Variants in LMOD1 observed in about 807,000 individuals in gnomAD.
LMOD1 encodes leiomodin-1.
Under a neutral mutation model 36.5 loss-of-function variants are expected in LMOD1, and 8 were observed. The ratio of observed to expected loss-of-function variants is 0.22; its 90% CI spans 0.13 to 0.40. The LOEUF (loss-of-function observed/expected upper bound fraction) is 0.40, where lower values mean the gene tolerates loss of function less well. Ranked by LOEUF, LMOD1 falls within the 10% of genes least tolerant of loss-of-function variation. LMOD1 has a pLI of 1.00. For synonymous variants in LMOD1, 284 were observed against 288.7 expected (o/e 0.98, Z 0.17); for missense variants, 630 against 751.1 (o/e 0.84, Z 1.88).
intron 1 of LMOD1, among the ~76,000 whole-genome samples, chr1:201,945,126 C>T (rs1037072652): frequency 3.9e-5 from 6 of 152,214 alleles, no homozygotes; most frequent in African/African-American, 1.4e-4. Context: ...AACACTCTTT[C>T]CCATGGACAA....
Position 201,900,072 on chromosome 1 carries a change from G to A in LMOD1, c.941C>T (p.Ala314Val), listed in dbSNP as rs762270367. The change falls in exon 2 of 3, where the codon GCT (alanine) becomes GTT (valine). Residue 314 changes from alanine (A) to valine (V), a missense_variant. Around this residue, in one of 3 missense-constraint regions of LMOD1, gnomAD observed 405 missense variants for 400.6 expected, o/e 1.01. Transcript: ENST00000367288. ...EGPAKVEEEA[A>V]PSIFDEPLER... ...CAGAGGCTCATCAAATATGCTGGGA[G>A]CTGCCTCCTCCTCCACCTTGGCCGG... 1 of 1,613,872 alleles carries A rather than the reference G, an allele frequency of 6.2e-7. No individual in the cohort carries two copies. Among genetic ancestry groups the A allele is most frequent in the Non-Finnish European group, 8.5e-7 (1 of 1,179,888 alleles).
intron 1 of LMOD1, among the ~76,000 whole-genome samples, chr1:201,930,627 A>T (rs1330696333): frequency 2.0e-5 from 3 of 152,220 alleles, no homozygotes; most frequent in Non-Finnish European, 2.9e-5. Context: ...TCCAAGAGAC[A>T]ACTGAATGAT....
chr1:201,911,502 T>C (rs1681496507), intron 1 of LMOD1, among the ~76,000 whole-genome samples: 1 of 152,030 alleles, frequency 6.6e-6, no homozygotes. Context: ...CCACCTGTAC[T>C]AAAAATACAA....
chr1:201,925,460 A>G (rs574613378), intron 1 of LMOD1, among the ~76,000 whole-genome samples: 2 of 152,280 alleles, frequency 1.3e-5, no homozygotes, highest in African/African-American at 4.8e-5. Context: ...GACAGCAACT[A>G]AGTACTTACC....
At chr1:201,908,111 A>G (rs1240470913) in intron 1 of LMOD1, among the ~76,000 whole-genome samples, 1 of 152,170 alleles carries the variant, frequency 6.6e-6, no homozygotes, top group Non-Finnish European at 1.5e-5. Context: ...AGCCATTCTC[A>G]GACTGAAGTT....
At chr1:201,914,108 G>A (rs968356918) in intron 1 of LMOD1, among the ~76,000 whole-genome samples, 3 of 152,060 alleles carry the variant, frequency 2.0e-5, no homozygotes, top group Non-Finnish European at 2.9e-5. Flanking sequence ...TATCCAGCAC[G>A]TCAGTCATCA....
rs746988782 is a variant in LMOD1, at chr1:201,900,458, G to T, written c.555C>A (p.Thr185=). ...TCCCTTTCTTCTCCTCTTCCTTCTT[G>T]GTGGCCACTGCCCTCTCCTCTCCTC... ...DGRGEERAVA[T]KKEEEKKGSD... is the part of the protein sequence containing the mutation. The change falls in exon 2 of 3, where the codon ACC becomes ACA. Residue 185 remains threonine, a synonymous_variant. Transcript: ENST00000367288. 31 of 1,607,038 alleles carry T rather than the reference G, an allele frequency of 1.9e-5. No individual in the cohort carries two copies. The highest frequency in any genetic ancestry group is 2.2e-5 in the Non-Finnish European group (26 of 1,176,754).
chr1:201,944,712 C>A (rs1682172552), intron 1 of LMOD1, among the ~76,000 whole-genome samples: 2 of 120,024 alleles, frequency 1.7e-5, no homozygotes, highest in African/African-American at 6.3e-5. Flanking sequence ...TTGGCAAAGG[C>A]TTAAACATAG....
At chr1:201,927,882 A>G (rs1476734320) in intron 1 of LMOD1, among the ~76,000 whole-genome samples, 1 of 152,192 alleles carries the variant, frequency 6.6e-6, no homozygotes, top group African/African-American at 2.4e-5. Flanking sequence ...TGTGTTTGGA[A>G]TGTGTCCTCC....
At chr1:201,901,506 A>C (rs1681299053) in intron 1 of LMOD1, among the ~76,000 whole-genome samples, 1 of 93,150 alleles carries the variant, frequency 1.1e-5, no homozygotes, top group Non-Finnish European at 2.0e-5. Context: ...CTGTCTCAAA[A>C]AAAAAATATA....
At chr1:201,929,751 G>A (rs528938190) in intron 1 of LMOD1, among the ~76,000 whole-genome samples, 46 of 152,292 alleles carry the variant, frequency 3.0e-4, no homozygotes, top group Middle Eastern at 3.4e-3. Context: ...TTAAGCCAGG[G>A]ACTGTGTTCA....
chr1:201,932,062 G>T (rs1681932623), intron 1 of LMOD1, among the ~76,000 whole-genome samples: 1 of 152,148 alleles, frequency 6.6e-6, no homozygotes, highest in Non-Finnish European at 1.5e-5. Flanking sequence ...ATGTTCAGTA[G>T]CTTGGATGCA....
In LMOD1 at chr1:201,901,673, T is replaced by TATACAC. The variant is rs1553295747; in HGVS notation, c.262-923_262-922insGTGTAT. On this transcript the variant is annotated intron_variant, in intron 1 of 2. Transcript: ENST00000367288. ...ACATATATATGTGTATATATATATA[T>TATACAC]ACACATATATATATGTGTATATATA... is the stretch of plus-strand genomic sequence containing the variant. Among the ~76,000 whole-genome samples the TATACAC allele has an allele frequency of 1.0e-3, 103 of 98,822 alleles. 4 individuals are homozygous for TATACAC. Among genetic ancestry groups the TATACAC allele is most frequent in the African/African-American group, 3.9e-3 (96 of 24,708 alleles). The allele number at this position is 98,822 out of a possible 152,430, so 64.8% of individuals were successfully genotyped here.
At position 201,900,205 on chromosome 1, in the gene LMOD1, T is replaced by G. The variant is rs1429947939; in HGVS notation, c.808A>C (p.Lys270Gln). ...TGTAAGGGTTCATTCTTCTTGACTTTTTCATCGTCCTTTTTGGTGTCTGTG... is the reference window on the plus strand; with the variant it reads ...TGTAAGGGTTCATTCTTCTTGACTTGTTCATCGTCCTTTTTGGTGTCTGTG... Reference protein sequence around the residue: ...GNTDTKKDDEKVKKNEPLHEK... With the variant: ...GNTDTKKDDEQVKKNEPLHEK... The change falls in exon 2 of 3, where the codon AAA (lysine) becomes CAA (glutamine). Residue 270 changes from lysine (K) to glutamine (Q), a missense_variant. Around this residue, in one of 3 missense-constraint regions of LMOD1, gnomAD observed 405 missense variants for 400.6 expected, o/e 1.01. Coordinates refer to ENST00000367288, the MANE Select transcript of LMOD1 (RefSeq NM_012134.3). 4 of 1,613,986 alleles carry G rather than the reference T, an allele frequency of 2.5e-6. No individual in the cohort carries two copies. The highest frequency in any genetic ancestry group is 3.4e-6 in the Non-Finnish European group (4 of 1,179,882).
intron 1 of LMOD1, among the ~76,000 whole-genome samples, chr1:201,905,428 C>A (rs749380816): frequency 6.6e-6 from 1 of 152,214 alleles, no homozygotes; most frequent in Non-Finnish European, 1.5e-5. Context: ...TACCTTGGCC[C>A]TTCTGATGCT....
At chr1:201,945,022 T>C (rs1682179248) in intron 1 of LMOD1, among the ~76,000 whole-genome samples, 1 of 152,192 alleles carries the variant, frequency 6.6e-6, no homozygotes, top group African/African-American at 2.4e-5. Flanking sequence ...GAGACTGATC[T>C]TTTTCTTGCA....
chr1:201,929,151 G>A (rs1353924106), intron 1 of LMOD1, among the ~76,000 whole-genome samples: 1 of 151,724 alleles, frequency 6.6e-6, no homozygotes, highest in African/African-American at 2.4e-5. Flanking sequence ...TGCCCATGCT[G>A]GAGTGCAGTG....
chr1:201,900,302 C>G lies in LMOD1; in HGVS notation c.711G>C (p.Glu237Asp). 4 of 1,605,944 alleles carry G rather than the reference C, an allele frequency of 2.5e-6. No individual in the cohort carries two copies. The highest frequency in any genetic ancestry group is 3.4e-6 in the Non-Finnish European group (4 of 1,175,684). Residue 237 changes from glutamate to aspartate, a missense_variant, in exon 2 of 3, where the codon GAG (glutamate) becomes GAC (aspartate). Glu to Asp is a conservative substitution (Grantham distance 45). Around this residue, in one of 3 missense-constraint regions of LMOD1, gnomAD observed 405 missense variants for 400.6 expected, o/e 1.01. Transcript: ENST00000367288. The stretch of plus-strand genomic sequence containing the variant: ...TGTTCCCACCTGCTCTTTTCATCTT[C>G]TCACCCTCTTTTCTGGTGTCTGTGT... Reference protein sequence around the residue: ...RRNTDTRKEGEKMKRAGGNTD... With the variant: ...RRNTDTRKEGDKMKRAGGNTD...
intron 1 of LMOD1, among the ~76,000 whole-genome samples, chr1:201,926,844 C>T (rs1320092678): frequency 1.3e-5 from 2 of 152,060 alleles, no homozygotes; most frequent in Non-Finnish European, 2.9e-5. Flanking sequence ...TGGCAAATCC[C>T]TGTCTCTACA....
Sources: allele counts gnomAD v4.1 joint callset (sites outside exome capture counted in the v4.1 genomes callset), GRCh38; gene constraint gnomAD v4.1.1; regional missense constraint gnomAD v4.1.1; transcripts MANE v1.5; gene names NCBI Gene and HGNC (gene_info 2026-07-23, HGNC 2026-07-21).